The following NTRK3 variants were observed in gnomAD, a reference collection of about 807,000 sequenced individuals.
NTRK3 encodes NT-3 growth factor receptor.
Under a neutral mutation model 91.7 loss-of-function variants are expected in NTRK3, and 24 were observed. The observed-to-expected ratio is 0.26, with a 90% confidence interval of 0.19 to 0.37. NTRK3 has a LOEUF of 0.37. NTRK3 is among the 10% of genes least tolerant of loss of function. The probability of loss-of-function intolerance (pLI) is 1.00; values close to 1 mark genes in which losing one functional copy is unlikely to be tolerated. For synonymous variants in NTRK3, 483 were observed against 404.0 expected, an observed-to-expected ratio of 1.20 and a Z score of -2.34; for missense variants, 880 against 1,068.9, an observed-to-expected ratio of 0.82 and a Z score of 2.46.
intron 13 of NTRK3, among the ~76,000 whole-genome samples, chr15:88,104,232 G>C (rs1172329095): frequency 6.6e-6 from 1 of 152,240 alleles, no homozygotes; most frequent in African/African-American, 2.4e-5. Flanking sequence ...ACTTTTCACT[G>C]CATGCAGGTA....
intron 17 of NTRK3, among the ~76,000 whole-genome samples, chr15:87,921,686 A>C (rs1456521189): frequency 6.6e-6 from 1 of 152,136 alleles, no homozygotes; most frequent in Non-Finnish European, 1.5e-5. Flanking sequence ...CTTGGGAGAA[A>C]AAGCTTGTCT....
intron 5 of NTRK3, among the ~76,000 whole-genome samples, chr15:88,171,812 C>G (rs1486189208): frequency 1.3e-5 from 2 of 152,250 alleles, no homozygotes; most frequent in African/African-American, 4.8e-5. Flanking sequence ...CTTTCTCCCC[C>G]TCCCTCAGTC....
chr15:88,227,892 C>T (rs1228144499), intron 3 of NTRK3, among the ~76,000 whole-genome samples: 1 of 152,154 alleles, frequency 6.6e-6, no homozygotes, highest in Non-Finnish European at 1.5e-5. Context: ...TTTCTCCTTA[C>T]TCCTGTATCC....
At chr15:88,056,203 T>TATATATATA (rs554008074) in intron 13 of NTRK3, among the ~76,000 whole-genome samples, 6 of 60,218 alleles carry the variant, frequency 1.0e-4, no homozygotes, top group Admixed American at 1.7e-4. Flanking sequence ...TATATATATA[T>TATATATATA]TTTTTTTTTA....
At position 88,072,665 on chromosome 15, in the gene NTRK3, G is replaced by A. The variant is rs1157393689; in HGVS notation, c.1397-39620C>T. Reference sequence around the variant, plus strand: ...ATGCACAATTTGATGAGACACCCTTGGTTTGAAGAATTCAGGGAAGTTGTA... The same window carrying A: ...ATGCACAATTTGATGAGACACCCTTAGTTTGAAGAATTCAGGGAAGTTGTA... On this transcript the variant is annotated intron_variant, in intron 13 of 18. Transcript: ENST00000394480. The A allele has an allele frequency of 3.9e-5, 9 of 232,708 alleles. No individual in the cohort carries two copies. In the East Asian group the frequency reaches 5.5e-4, roughly 14 times the overall value. The allele number at this position is 232,708 out of a possible 1,614,324, so 14.4% of individuals were successfully genotyped here.
chr15:88,210,227 G>C (rs2049123768), intron 3 of NTRK3: 1 of 152,182 alleles, frequency 6.6e-6, no homozygotes, highest in Non-Finnish European at 1.5e-5. Flanking sequence ...AATAGGGAGG[G>C]CCTCTCAAAG....
At chr15:88,008,962 TGAA>T (rs569286373) in intron 14 of NTRK3, among the ~76,000 whole-genome samples, 6 of 152,304 alleles carry the variant, frequency 3.9e-5, no homozygotes, top group African/African-American at 1.4e-4. Flanking sequence ...AAATTAGGAC[TGAA>T]GAAGGATTTC....
chr15:88,078,423 A>G (rs1384659589), intron 13 of NTRK3, among the ~76,000 whole-genome samples: 1 of 152,198 alleles, frequency 6.6e-6, no homozygotes, highest in Non-Finnish European at 1.5e-5. Context: ...CGGGAGGCCT[A>G]GGATCACTTG....
chr15:87,932,911 G>C, intron 16 of NTRK3, 101 bp downstream of exon 16: 1 of 1,162,504 alleles, frequency 8.6e-7, no homozygotes, highest in South Asian at 1.3e-5. Flanking sequence ...ATCCTGAGAG[G>C]AAAGTGTTTA....
rs575553906 is a variant in NTRK3 at position 87,869,995 on chromosome 15, C to T, written c.*6940G>A. The T allele has an allele frequency of 5.7e-5, 11 of 192,940 alleles. No homozygotes were observed. In the South Asian group the frequency reaches 1.5e-3, roughly 27 times the overall value. 12.0% of individuals were successfully genotyped at this position (192,940 alleles called of 1,614,324 possible). A position where few individuals can be genotyped will look rare whatever the true frequency, so the allele number is the denominator to read the frequency against. ...GTCTTGTTGGGTTTTAGGGATGTTG[C>T]ATGTAAAAGAATGTCAGTAATCCCG... is the stretch of plus-strand genomic sequence containing the variant. On this transcript the variant is annotated 3_prime_UTR_variant, in exon 19 of 19. Transcript: ENST00000394480.
intron 3 of NTRK3, among the ~76,000 whole-genome samples, chr15:88,199,202 C>T (rs2048081461): frequency 6.6e-6 from 1 of 152,026 alleles, no homozygotes; most frequent in African/African-American, 2.4e-5. Flanking sequence ...AAATATTTAC[C>T]CTTTATTATG....
chr15:88,095,005 C>T (rs1412145895), intron 13 of NTRK3, among the ~76,000 whole-genome samples: 1 of 152,198 alleles, frequency 6.6e-6, no homozygotes, highest in Non-Finnish European at 1.5e-5. Context: ...CAATGGCTTC[C>T]AATACCCATT....
At chr15:88,147,251 A>AAGCAGG (rs2042968745) in intron 6 of NTRK3, 84 bp downstream of exon 6, 1 of 1,256,210 alleles carries the variant, frequency 8.0e-7, no homozygotes, top group South Asian at 1.2e-5. Flanking sequence ...CTCAGCCTTC[A>AAGCAGG]GGTGGTTCCA....
intron 5 of NTRK3, among the ~76,000 whole-genome samples, chr15:88,149,457 C>T (rs898449720): frequency 1.3e-5 from 2 of 152,236 alleles, no homozygotes; most frequent in Non-Finnish European, 2.9e-5. Flanking sequence ...TACACTGTCA[C>T]CAACCGCCTC....
intron 13 of NTRK3, among the ~76,000 whole-genome samples, chr15:88,087,696 C>T (rs76729641): frequency 0.026 from 4,000 of 152,288 alleles, 167 homozygotes; most frequent in African/African-American, 0.085. Flanking sequence ...GTCACCATCT[C>T]GACAGTGGTG....
chr15:88,147,261 A>T (rs1002794622), intron 6 of NTRK3, 74 bp downstream of exon 6: 3 of 1,400,592 alleles, frequency 2.1e-6, no homozygotes, highest in Non-Finnish European at 3.0e-6. Context: ...AGGTGGTTCC[A>T]CTGCTTGACA....
At chr15:87,912,344 T>C (rs1045751382) in intron 17 of NTRK3, among the ~76,000 whole-genome samples, 2 of 152,186 alleles carry the variant, frequency 1.3e-5, no homozygotes, top group Non-Finnish European at 2.9e-5. Flanking sequence ...TCTTTAAACA[T>C]TCTATTCACA....
At chr15:88,032,962 G>A (rs1305656648) in exon 14 of NTRK3, 1 of 1,612,868 alleles carries the variant, frequency 6.2e-7, no homozygotes, top group Non-Finnish European at 8.5e-7. Context: ...CCGGCATCCA[G>A]TGACGAGGGC....
intron 18 of NTRK3, 35 bp downstream of exon 19, chr15:87,880,234 TC>T (rs773453640): frequency 6.2e-7 from 1 of 1,613,330 alleles, no homozygotes; most frequent in Non-Finnish European, 8.5e-7. Context: ...TTATGAGCCC[TC>T]CCCCAATCAA....
Sources: allele counts gnomAD v4.1 joint callset (sites outside exome capture counted in the v4.1 genomes callset), GRCh38; gene constraint gnomAD v4.1.1; transcripts MANE v1.5; gene names NCBI Gene and HGNC (gene_info 2026-07-23, HGNC 2026-07-21).